The following MYO16 variants were observed in gnomAD, a reference collection of about 807,000 sequenced individuals.
MYO16 encodes unconventional myosin-XVI.
Under a neutral mutation model 205.3 loss-of-function variants are expected in MYO16, and 94 were observed. That is an observed-to-expected ratio of 0.46 (90% CI 0.39 to 0.54). The LOEUF (loss-of-function observed/expected upper bound fraction) is 0.54, where lower values mean the gene tolerates loss of function less well. Among genes scored for constraint, MYO16 ranks in the 20% least tolerant of loss-of-function variants. The pLI is 0.00. For synonymous variants in MYO16, 988 were observed against 954.0 expected, an observed-to-expected ratio of 1.04 and a Z score of -0.66; for missense variants, 2,315 against 2,387.5, an observed-to-expected ratio of 0.97 and a Z score of 0.63.
chr13:108,965,786 A>G (rs1348016120), intron 20 of MYO16, among the ~76,000 whole-genome samples: 1 of 152,218 alleles, frequency 6.6e-6, no homozygotes, highest in Non-Finnish European at 1.5e-5. Context: ...TTATCAGTGG[A>G]AAACTTTCTT....
chr13:109,013,014 T>C (rs1363974128), intron 22 of MYO16, among the ~76,000 whole-genome samples: 2 of 151,490 alleles, frequency 1.3e-5, no homozygotes, highest in African/African-American at 2.4e-5. Flanking sequence ...GTGCACAACA[T>C]GCAGGTTTGT....
the MYO16 span, among the ~76,000 whole-genome samples, chr13:108,554,534 A>T: frequency 2.0e-5 from 3 of 152,156 alleles, no homozygotes; most frequent in African/African-American, 7.2e-5. Flanking sequence ...TCAAATCCAC[A>T]TTTATAATAT....
In MYO16 at chr13:108,815,718, T is replaced by A. The variant is rs534028233; in HGVS notation, c.868-4619T>A. Among the ~76,000 whole-genome samples the A allele has an allele frequency of 3.0e-4, 45 of 152,330 alleles. No individual in the cohort carries two copies. In the South Asian group the frequency reaches 9.1e-3, roughly 31 times the overall value. On this transcript the variant is annotated intron_variant, in intron 7 of 34. Coordinates refer to ENST00000457511, the MANE Select transcript of MYO16 (RefSeq NM_001198950.3). ...TTTGTTAAAGCATGTCAAACTAATA[T>A]AGTAGCTACCTATTTAAAACAATCC...
chr13:109,052,252 A>ATT, intron 24 of MYO16, 48 bp from the exon 25 acceptor site: 1 of 1,500,896 alleles, frequency 6.7e-7, no homozygotes, highest in Non-Finnish European at 9.3e-7. Flanking sequence ...TCAATGCTTA[A>ATT]GTAATAATTT....
intron 33 of MYO16, among the ~76,000 whole-genome samples, chr13:109,176,128 G>A (rs916910553): frequency 6.6e-6 from 1 of 152,104 alleles, no homozygotes; most frequent in Admixed American, 6.5e-5. Flanking sequence ...TTCTCTTTAT[G>A]TCTGAAATGT....
At chr13:108,723,601 C>T (rs1282106231) in intron 3 of MYO16, among the ~76,000 whole-genome samples, 1 of 152,098 alleles carries the variant, frequency 6.6e-6, no homozygotes, top group Non-Finnish European at 1.5e-5. Flanking sequence ...CTGAATTGCC[C>T]TTGCCAGTTT....
chr13:108,910,202 G>T (rs143134128), intron 16 of MYO16, 52 bp downstream of exon 16: 3 of 1,529,294 alleles, frequency 2.0e-6, no homozygotes, highest in Non-Finnish European at 9.0e-7. Flanking sequence ...AATTGTGATT[G>T]CAATTTGGTA....
At chr13:108,964,433 A>G (rs1883709638) in intron 19 of MYO16, among the ~76,000 whole-genome samples, 1 of 152,180 alleles carries the variant, frequency 6.6e-6, no homozygotes, top group African/African-American at 2.4e-5. Context: ...CAGTATCCAA[A>G]CCAGTGAGTT....
chr13:108,612,932 G>A (rs1879227477), intron 1 of MYO16, among the ~76,000 whole-genome samples: 1 of 152,160 alleles, frequency 6.6e-6, no homozygotes. Context: ...AGGTTAAGAA[G>A]AAGGGGTTAT....
At chr13:108,921,791 C>T (rs1881756390) in intron 16 of MYO16, among the ~76,000 whole-genome samples, 1 of 152,218 alleles carries the variant, frequency 6.6e-6, no homozygotes, top group Non-Finnish European at 1.5e-5. Context: ...CCAGGATCTA[C>T]ATCTCCCTGG....
rs1430066446 is a variant in MYO16, at chr13:109,140,873, C to T, written c.4661C>T (p.Pro1554Leu). The T allele has an allele frequency of 6.3e-7, 1 of 1,595,678 alleles. No homozygotes were observed. Among genetic ancestry groups the T allele is most frequent in the Admixed American group, 1.7e-5 (1 of 58,510 alleles). ...LETNLKYPVQ[P>L]EGSSPLSPQY... ...ACCAACCTCAAGTACCCCGTGCAGCCGGAGGGGTCGAGCCCGCTGTCCCCG... is the reference window on the plus strand; with the variant it reads ...ACCAACCTCAAGTACCCCGTGCAGCTGGAGGGGTCGAGCCCGCTGTCCCCG... The change falls in exon 32 of 35, where the codon CCG becomes CTG. Residue 1554 changes from proline (P) to leucine (L), a missense_variant. By Grantham distance (98) the Pro-to-Leu change is moderately conservative. Coordinates refer to ENST00000457511, the MANE Select transcript of MYO16 (RefSeq NM_001198950.3). This position sits in a 1 kb window ranked among gnomAD's most constrained non-coding sequence, Gnocchi z 8.0.
chr13:108,510,425 A>ATTTTTTTTTTTTTTTTTTTTTTTTTTT, the MYO16 span, among the ~76,000 whole-genome samples: 1 of 97,090 alleles, frequency 1.0e-5, no homozygotes, highest in Non-Finnish European at 2.0e-5. Flanking sequence ...TAGATAGTTA[A>ATTTTTTTTTTTTTTTTTTTTTTTTTTT]TTTTTTTTTT....
At chr13:108,529,484 TA>T in the MYO16 span, among the ~76,000 whole-genome samples, 1 of 152,160 alleles carries the variant, frequency 6.6e-6, no homozygotes, top group Non-Finnish European at 1.5e-5. Context: ...TTTTCTCTAT[TA>T]AAACCCCACC....
upstream of MYO16, among the ~76,000 whole-genome samples, chr13:108,625,566 G>A (rs1038619932): frequency 6.7e-6 from 1 of 149,364 alleles, no homozygotes; most frequent in African/African-American, 2.4e-5. Flanking sequence ...CAATATTTGT[G>A]ATAGAGGAAA....
At chr13:108,835,717 C>T (rs1056587255) in intron 9 of MYO16, among the ~76,000 whole-genome samples, 2 of 152,132 alleles carry the variant, frequency 1.3e-5, no homozygotes, top group Non-Finnish European at 2.9e-5. Flanking sequence ...AGATGAGGAA[C>T]TTGTTGGGAA....
At position 108,804,757 on chromosome 13, in the gene MYO16, A is replaced by G. The variant is rs565681717; in HGVS notation, c.742-1922A>G. On this transcript the variant is annotated intron_variant, in intron 6 of 34. Transcript: ENST00000457511. Reference sequence around the variant, plus strand: ...GTTTATTTTGGTTTTGGGATTACCTAGAAGTAAACTTGCCAGCCTCCACAA... The same window carrying G: ...GTTTATTTTGGTTTTGGGATTACCTGGAAGTAAACTTGCCAGCCTCCACAA... Among the ~76,000 whole-genome samples, 10 of 152,326 alleles carry G rather than the reference A, an allele frequency of 6.6e-5. No individual in the cohort carries two copies. The South Asian group carries it at 1.7e-3, about 25-fold the overall frequency.
intron 11 of MYO16, among the ~76,000 whole-genome samples, chr13:108,859,484 A>AT (rs1878354266): frequency 2.0e-5 from 3 of 152,124 alleles, no homozygotes; most frequent in African/African-American, 2.4e-5. Context: ...CTACAGTCCG[A>AT]TTTTTTTTAT....
At chr13:108,676,091 C>T (rs1387290621) in intron 2 of MYO16, among the ~76,000 whole-genome samples, 1 of 152,062 alleles carries the variant, frequency 6.6e-6, no homozygotes, top group Non-Finnish European at 1.5e-5. Context: ...TAAATAATGA[C>T]ATTGTTATAT....
chr13:108,764,912 T>C (rs1453450808), intron 4 of MYO16, among the ~76,000 whole-genome samples: 4 of 152,198 alleles, frequency 2.6e-5, no homozygotes, highest in African/African-American at 9.6e-5. Context: ...TCATACACTT[T>C]CATCTTGTTT....
Sources: gnomAD v4.1 joint callset for allele counts (sites outside exome capture counted in the v4.1 genomes callset) on GRCh38, gnomAD v4.1.1 for gene constraint, Gnocchi (gnomAD v3.1) non-coding constraint, MANE v1.5 for transcripts, NCBI Gene and HGNC (gene_info 2026-07-23, HGNC 2026-07-21) for gene names.